The following NELL1 variants were observed in gnomAD, a reference collection of about 807,000 sequenced individuals.
NELL1 encodes protein kinase C-binding protein NELL1.
Under a neutral mutation model 107.4 loss-of-function variants are expected in NELL1, and 76 were observed. That is an observed-to-expected ratio of 0.71 (90% CI 0.59 to 0.86). The LOEUF (loss-of-function observed/expected upper bound fraction) is 0.86, where lower values mean the gene tolerates loss of function less well. NELL1 is among the 40% of genes least tolerant of loss of function. The pLI is 0.00. For missense variants in NELL1, 1,024 were observed against 1,005.5 expected (o/e 1.02, Z -0.25); for synonymous variants, 353 against 341.2 (o/e 1.03, Z -0.38).
At chr11:20,810,725 A>C (rs1173098303) in intron 3 of NELL1, among the ~76,000 whole-genome samples, 1 of 152,162 alleles carries the variant, frequency 6.6e-6, no homozygotes, top group East Asian at 1.9e-4. Flanking sequence ...TCCTCTGGGT[A>C]GATACCCAGT....
At chr11:20,730,033 C>T (rs531026442) in intron 2 of NELL1, among the ~76,000 whole-genome samples, 6 of 152,204 alleles carry the variant, frequency 3.9e-5, no homozygotes, top group Admixed American at 1.3e-4. Context: ...CACTTGGCTT[C>T]GCTTAATCAT....
intron 17 of NELL1, among the ~76,000 whole-genome samples, chr11:21,570,002 A>G (rs1034765165): frequency 1.3e-5 from 2 of 151,886 alleles, no homozygotes; most frequent in Non-Finnish European, 2.9e-5. Flanking sequence ...ACTGTAAGCA[A>G]CAGACATAAA....
At chr11:20,958,661 A>G (rs1164197668) in intron 11 of NELL1, among the ~76,000 whole-genome samples, 1 of 152,192 alleles carries the variant, frequency 6.6e-6, no homozygotes, top group Non-Finnish European at 1.5e-5. Flanking sequence ...GAAATTGAGC[A>G]CAGTCACTAT....
At chr11:21,207,577 T>C (rs1289782513) in intron 13 of NELL1, among the ~76,000 whole-genome samples, 3 of 152,176 alleles carry the variant, frequency 2.0e-5, no homozygotes, top group Non-Finnish European at 2.9e-5. Context: ...CTACTTTATG[T>C]ACAAATAATG....
chr11:21,242,149 T>G (rs1001765273), intron 14 of NELL1, among the ~76,000 whole-genome samples: 1 of 151,962 alleles, frequency 6.6e-6, no homozygotes, highest in African/African-American at 2.4e-5. Context: ...GATAAGTAAA[T>G]GATGGTAGAT....
intron 13 of NELL1, among the ~76,000 whole-genome samples, chr11:21,203,814 A>G (rs914800269): frequency 6.6e-6 from 1 of 152,172 alleles, no homozygotes; most frequent in African/African-American, 2.4e-5. Context: ...GGTGGTGACA[A>G]AATCTGTCAG....
chr11:21,219,765 T>C (rs1264612951), intron 13 of NELL1, among the ~76,000 whole-genome samples: 1 of 152,192 alleles, frequency 6.6e-6, no homozygotes. Context: ...TGCTGGCACT[T>C]TTGTCAAAAA....
intron 13 of NELL1, among the ~76,000 whole-genome samples, chr11:21,190,164 C>A (rs886927583): frequency 1.3e-5 from 2 of 151,636 alleles, no homozygotes; most frequent in Admixed American, 1.3e-4. Flanking sequence ...ACCAGCCTGA[C>A]CAACATGGCG....
At chr11:20,811,382 G>A (rs1297970913) in intron 3 of NELL1, among the ~76,000 whole-genome samples, 2 of 152,022 alleles carry the variant, frequency 1.3e-5, no homozygotes, top group Non-Finnish European at 2.9e-5. Context: ...GTAGTGTGAT[G>A]CCTCTAGCTT....
chr11:21,135,888 G>A (rs752262140), intron 13 of NELL1, among the ~76,000 whole-genome samples: 2 of 152,016 alleles, frequency 1.3e-5, no homozygotes, highest in East Asian at 1.9e-4. Flanking sequence ...CCTAAACTTG[G>A]TGTTTCACTT....
intron 3 of NELL1, among the ~76,000 whole-genome samples, chr11:20,804,538 T>G (rs1056189567): frequency 2.6e-5 from 4 of 152,200 alleles, no homozygotes; most frequent in African/African-American, 9.6e-5. Context: ...AATCTGTTGA[T>G]CCATTGGTCA....
At chr11:21,055,539 G>A (rs1313396571) in intron 12 of NELL1, among the ~76,000 whole-genome samples, 1 of 152,030 alleles carries the variant, frequency 6.6e-6, no homozygotes, top group Non-Finnish European at 1.5e-5. Flanking sequence ...ATCTGTTACT[G>A]TGTCTTTGAG....
Position 21,264,750 on chromosome 11 carries a change from A to AGTGT in NELL1, c.1549+35308_1549+35311dup, listed in dbSNP as rs138336320. ...CCTGAGCTGGTGACAACAGTTGTGGAGTGTGTGTGTGTGTGCGTGCGTGTG... is the reference window on the plus strand; with the variant it reads ...CCTGAGCTGGTGACAACAGTTGTGGAGTGTGTGTGTGTGTGTGTGCGTGCGTGTG... On this transcript the variant is annotated intron_variant, in intron 14 of 19. Coordinates refer to ENST00000357134, the MANE Select transcript of NELL1 (RefSeq NM_006157.5). Among the ~76,000 whole-genome samples the AGTGT allele has an allele frequency of 5.3e-5, 8 of 149,838 alleles. No individual in the cohort carries two copies. The East Asian group carries it at 7.9e-4, about 15-fold the overall frequency.
In NELL1 at chr11:20,723,887, G is replaced by C. The variant is rs148813352; in HGVS notation, c.184+45827G>C. Among the ~76,000 whole-genome samples the C allele has an allele frequency of 2.5e-3, 374 of 152,316 alleles. 4 individuals are homozygous for C. Among genetic ancestry groups the C allele is most frequent in the African/African-American group, 8.4e-3 (348 of 41,572 alleles). On this transcript the variant is annotated intron_variant, in intron 2 of 19. Transcript: ENST00000357134. ...TGGAGGTTCCCAAACCTCAGCTCTT[G>C]ACTTCTGCACACCCACATGCCCAAC...
At chr11:20,994,385 G>A (rs908220334) in intron 12 of NELL1, among the ~76,000 whole-genome samples, 7 of 152,210 alleles carry the variant, frequency 4.6e-5, no homozygotes, top group Non-Finnish European at 1.0e-4. Context: ...TATCTGTAGT[G>A]ATCAGTGCTT....
At chr11:21,494,738 T>G (rs1854930636) in intron 15 of NELL1, among the ~76,000 whole-genome samples, 1 of 152,020 alleles carries the variant, frequency 6.6e-6, no homozygotes, top group African/African-American at 2.4e-5. Flanking sequence ...TTGTGAAATA[T>G]TCATGCAATG....
At chr11:21,574,838 T>C in intron 19 of NELL1, 134 bp from the exon 20 acceptor site, 1 of 699,848 alleles carries the variant, frequency 1.4e-6, no homozygotes, top group Non-Finnish European at 2.4e-6. Flanking sequence ...CCTAGCATTT[T>C]TTTCTAGTCA....
chr11:21,302,442 T>A (rs969891650), intron 14 of NELL1, among the ~76,000 whole-genome samples: 1 of 152,080 alleles, frequency 6.6e-6, no homozygotes, highest in Non-Finnish European at 1.5e-5. Flanking sequence ...AAGCTCAGCA[T>A]GAATTACATT....
chr11:20,909,921 C>T (rs1341346706), intron 5 of NELL1, among the ~76,000 whole-genome samples: 1 of 152,172 alleles, frequency 6.6e-6, no homozygotes, highest in Non-Finnish European at 1.5e-5. Flanking sequence ...AGGTCCGTCA[C>T]CATTACTGCA....
Sources: gnomAD v4.1 joint callset for allele counts (sites outside exome capture counted in the v4.1 genomes callset) on GRCh38, gnomAD v4.1.1 for gene constraint, MANE v1.5 for transcripts, NCBI Gene and HGNC (gene_info 2026-07-23, HGNC 2026-07-21) for gene names.